The following ERICH1 variants were observed in gnomAD, a reference collection of about 807,000 sequenced individuals.
The protein encoded by ERICH1 is glutamate-rich protein 1.
A neutral mutation model predicts 39.6 loss-of-function variants in ERICH1; 56 were observed. The ratio of observed to expected loss-of-function variants is 1.41; its 90% CI spans 1.14 to 1.77. The LOEUF (loss-of-function observed/expected upper bound fraction) is 1.77, where lower values mean the gene tolerates loss of function less well. Ranked by LOEUF, ERICH1 falls within the 40% of genes most tolerant of loss-of-function variation. The probability of loss-of-function intolerance (pLI) is 0.00; values close to 1 mark genes in which losing one functional copy is unlikely to be tolerated. For synonymous variants in ERICH1, 313 were observed against 223.6 expected (o/e 1.40, Z -3.57); for missense variants, 826 against 575.4 (o/e 1.44, Z -4.45).
downstream of ERICH1, among the ~76,000 whole-genome samples, chr8:661,582 T>A (rs530274065): frequency 6.6e-6 from 1 of 152,216 alleles, no homozygotes; most frequent in Non-Finnish European, 1.5e-5. Flanking sequence ...GAACTGAATA[T>A]TTTGCACTAT....
chr8:705,122 T>A (rs1176501202), intron 2 of ERICH1, among the ~76,000 whole-genome samples: 1 of 152,252 alleles, frequency 6.6e-6, no homozygotes, highest in Non-Finnish European at 1.5e-5. Context: ...TGAACAAATA[T>A]CAATCAATTG....
intron 3 of ERICH1, among the ~76,000 whole-genome samples, chr8:653,761 C>T (rs1040647418): frequency 3.9e-5 from 6 of 152,022 alleles, no homozygotes; most frequent in African/African-American, 1.2e-4. Context: ...GTGAAATGAG[C>T]CGGTCACAGA....
chr8:634,046 A>C (rs1798223391), intron 3 of ERICH1, among the ~76,000 whole-genome samples: 1 of 152,178 alleles, frequency 6.6e-6, no homozygotes, highest in African/African-American at 2.4e-5. Flanking sequence ...GGAAACAAAA[A>C]CATTTCGTCC....
intron 3 of ERICH1, among the ~76,000 whole-genome samples, chr8:653,609 T>A (rs1288724514): frequency 6.6e-6 from 1 of 152,262 alleles, no homozygotes; most frequent in Non-Finnish European, 1.5e-5. Flanking sequence ...GATTCATGAA[T>A]CATTCATTGC....
chr8:650,697 T>G (rs1208855575), intron 3 of ERICH1, among the ~76,000 whole-genome samples: 3 of 152,198 alleles, frequency 2.0e-5, no homozygotes, highest in African/African-American at 7.2e-5. Context: ...CAGGCCACCC[T>G]GACCCTGAAG....
chr8:635,308 AG>A (rs1798338965), intron 3 of ERICH1, among the ~76,000 whole-genome samples: 1 of 152,120 alleles, frequency 6.6e-6, no homozygotes, highest in Non-Finnish European at 1.5e-5. Context: ...TCTGTGATGG[AG>A]CCCCCCACAC....
rs578139912 is a variant in ERICH1, at chr8:633,577, C to T, written c.977-18293G>A. Among the ~76,000 whole-genome samples, 190 of 152,222 alleles carry T rather than the reference C, an allele frequency of 1.2e-3. 3 individuals are homozygous for T. The highest frequency in any genetic ancestry group is 4.5e-3 in the African/African-American group (186 of 41,532). ...TGGAATCTCAAGGGTTCCTGATTAC[C>T]CAAAACAATCCTAAAAAGAACGAAG... On this transcript the variant is annotated intron_variant, in intron 3 of 3. Coordinates refer to the ERICH1 transcript ENST00000522706.
At chr8:655,916 A>C (rs987030158) in intron 3 of ERICH1, among the ~76,000 whole-genome samples, 2 of 151,910 alleles carry the variant, frequency 1.3e-5, no homozygotes, top group South Asian at 4.2e-4. Context: ...CCCATCCACT[A>C]TGCTGTTCTC....
intron 2 of ERICH1, among the ~76,000 whole-genome samples, chr8:700,344 G>A: frequency 1.5e-5 from 1 of 64,992 alleles, no homozygotes; most frequent in African/African-American, 4.1e-5. Flanking sequence ...CACGCGCACA[G>A]ATCCGCACAC....
intron 3 of ERICH1, among the ~76,000 whole-genome samples, chr8:658,855 G>T (rs1801016765): frequency 6.6e-6 from 1 of 152,326 alleles, no homozygotes; most frequent in Middle Eastern, 3.4e-3. Context: ...GCCCGAGCTG[G>T]CTCCTCCCCA....
At chr8:715,789 T>A in intron 2 of ERICH1, 72 bp downstream of exon 2, 1 of 1,546,006 alleles carries the variant, frequency 6.5e-7, no homozygotes, top group Non-Finnish European at 8.7e-7. Flanking sequence ...AGACACATTC[T>A]CCAAGGCAAG....
intron 2 of ERICH1, among the ~76,000 whole-genome samples, chr8:711,602 A>G (rs1278786390): frequency 6.6e-6 from 1 of 151,914 alleles, no homozygotes; most frequent in East Asian, 1.9e-4. Flanking sequence ...GGTTCAAGCA[A>G]TTCTTCTGCC....
At chr8:672,008 C>G (rs1404283742) in intron 4 of ERICH1, 1 of 154,706 alleles carries the variant, frequency 6.5e-6, no homozygotes, top group African/African-American at 2.4e-5. Context: ...GACCCTCACC[C>G]AACGCCCACA....
chr8:709,285 G>A (rs772233086), intron 2 of ERICH1, among the ~76,000 whole-genome samples: 1 of 152,152 alleles, frequency 6.6e-6, no homozygotes, highest in Non-Finnish European at 1.5e-5. Context: ...CATCAGACTT[G>A]ACAGACCAGA....
intron 2 of ERICH1, among the ~76,000 whole-genome samples, chr8:708,691 T>TTTTTTTTTGTTTTTTTTTTTG (rs2132277327): frequency 1.1e-5 from 1 of 89,328 alleles, no homozygotes; most frequent in South Asian, 3.9e-4. Context: ...GTTTTTTTTT[T>TTTTTTTTTGTTTTTTTTTTTG]TTTTTTTTTT....
chr8:670,875 G>C (rs545395851), intron 4 of ERICH1, among the ~76,000 whole-genome samples: 1 of 151,480 alleles, frequency 6.6e-6, no homozygotes, highest in Admixed American at 6.6e-5. Flanking sequence ...TGAGCCCACC[G>C]GTCCCCAGGA....
chr8:634,183 A>AAAAACAAACAAACAAAAAACAAAC (rs1554481909), intron 3 of ERICH1, among the ~76,000 whole-genome samples: 47 of 135,832 alleles, frequency 3.5e-4, no homozygotes, highest in African/African-American at 1.3e-3. Context: ...AAAAAAAAAA[A>AAAAACAAACAAACAAAAAACAAAC]AAACAAACAA....
intron 3 of ERICH1, among the ~76,000 whole-genome samples, chr8:628,912 C>T (rs1333981516): frequency 1.3e-5 from 2 of 152,162 alleles, no homozygotes; most frequent in African/African-American, 4.8e-5. Flanking sequence ...CCTCGGGGTC[C>T]CAGGACCACC....
intron 3 of ERICH1, chr8:615,375 A>G (rs1191590052): frequency 1.7e-6 from 1 of 573,532 alleles, no homozygotes; most frequent in African/African-American, 1.9e-5. Flanking sequence ...GCTGGGATAA[A>G]GAGATAACTA....
Sources: allele counts gnomAD v4.1 joint callset (sites outside exome capture counted in the v4.1 genomes callset), GRCh38; gene constraint gnomAD v4.1.1; transcripts MANE v1.5; gene names NCBI Gene and HGNC (gene_info 2026-07-23, HGNC 2026-07-21).